The following SLC60A2 variants were observed in gnomAD, a reference collection of about 807,000 sequenced individuals.
The protein encoded by SLC60A2 is solute carrier family 60 member 2.
chr6:111,276,808 C>T, the SLC60A2 span, among the ~76,000 whole-genome samples: 1 of 152,194 alleles, frequency 6.6e-6, no homozygotes, highest in African/African-American at 2.4e-5. Flanking sequence ...AGTTCTGCCC[C>T]TCCTTGGGAC....
At chr6:111,260,606 C>T in the SLC60A2 span, among the ~76,000 whole-genome samples, 9,682 of 152,242 alleles carry the variant, frequency 0.064, 545 homozygotes, top group African/African-American at 0.15. Context: ...TTTTCGGAAA[C>T]CTCCTCCTTA....
the SLC60A2 span, chr6:111,259,723 G>A: frequency 6.3e-7 from 1 of 1,594,106 alleles, no homozygotes; most frequent in Non-Finnish European, 8.5e-7. Flanking sequence ...TCCTTCCTGG[G>A]GCTGGTGAGA....
the SLC60A2 span, chr6:111,278,022 A>G: frequency 6.6e-6 from 1 of 152,340 alleles, no homozygotes; most frequent in South Asian, 2.1e-4. Context: ...CCAGGAGCAG[A>G]GTATCCAGTT....
At chr6:111,276,122 GTC>G in the SLC60A2 span, among the ~76,000 whole-genome samples, 1 of 152,102 alleles carries the variant, frequency 6.6e-6, no homozygotes, top group African/African-American at 2.4e-5. Flanking sequence ...TCCTTTTTAA[GTC>G]TATGATACAC....
At chr6:111,262,827 A>AAGCG in the SLC60A2 span, among the ~76,000 whole-genome samples, 2 of 152,240 alleles carry the variant, frequency 1.3e-5, no homozygotes, top group Non-Finnish European at 2.9e-5. Flanking sequence ...TGAAGAGGGG[A>AAGCG]AGCGAGGTTG....
chr6:111,266,530 G>C, the SLC60A2 span: 1 of 1,614,172 alleles, frequency 6.2e-7, no homozygotes, highest in Non-Finnish European at 8.5e-7. Context: ...ATTTGTCTCT[G>C]GATAGCAACT....
chr6:111,263,086 A>G, the SLC60A2 span, among the ~76,000 whole-genome samples: 7 of 152,108 alleles, frequency 4.6e-5, no homozygotes, highest in South Asian at 1.5e-3. Flanking sequence ...CACAGGTGTG[A>G]GCCACCATGC....
the SLC60A2 span, chr6:111,278,683 T>C: frequency 1.0e-4 from 16 of 152,398 alleles, no homozygotes; most frequent in Admixed American, 1.0e-3. Context: ...CCTTCCGCCA[T>C]GATTGTGAAG....
the SLC60A2 span, among the ~76,000 whole-genome samples, chr6:111,261,153 C>T: frequency 3.9e-5 from 6 of 152,290 alleles, no homozygotes; most frequent in East Asian, 7.7e-4. Flanking sequence ...TTTAAGCAAC[C>T]TTTACTGACT....
chr6:111,266,632 T>A, the SLC60A2 span: 4 of 1,614,106 alleles, frequency 2.5e-6, no homozygotes, highest in African/African-American at 5.3e-5. Flanking sequence ...TCTGCAGCAT[T>A]TTTTGTAATT....
chr6:111,261,738 C>T, the SLC60A2 span, among the ~76,000 whole-genome samples: 10 of 152,206 alleles, frequency 6.6e-5, no homozygotes, highest in East Asian at 7.7e-4. Flanking sequence ...GGACTACAGG[C>T]GCCCACCACC....
the SLC60A2 span, among the ~76,000 whole-genome samples, chr6:111,260,590 A>G: frequency 3.3e-5 from 5 of 152,212 alleles, no homozygotes; most frequent in African/African-American, 1.2e-4. Flanking sequence ...TCGCCACTCA[A>G]TTCACTTTTC....
chr6:111,263,913 A>G, the SLC60A2 span: 284 of 1,608,226 alleles, frequency 1.8e-4, no homozygotes, highest in African/African-American at 6.5e-4. Context: ...CATGATGTCT[A>G]TCTTCGGTGT....
chr6:111,262,294 A>C, the SLC60A2 span: 30 of 1,613,970 alleles, frequency 1.9e-5, 2 homozygotes, highest in South Asian at 2.9e-4. Context: ...ACGTTTCAAG[A>C]TTTGGCAACA....
chr6:111,261,739 G>A, the SLC60A2 span, among the ~76,000 whole-genome samples: 4 of 151,988 alleles, frequency 2.6e-5, no homozygotes, highest in South Asian at 2.1e-4. Flanking sequence ...GACTACAGGC[G>A]CCCACCACCA....
chr6:111,270,002 GGCCT>G, the SLC60A2 span: 15 of 120,712 alleles, frequency 1.2e-4, no homozygotes, highest in African/African-American at 7.7e-4. Flanking sequence ...GTACTGAAGC[GGCCT>G]GTACAGGGCC....
At chr6:111,276,651 G>C in the SLC60A2 span, among the ~76,000 whole-genome samples, 2 of 152,170 alleles carry the variant, frequency 1.3e-5, no homozygotes, top group African/African-American at 4.8e-5. Context: ...GCAGTAGCAG[G>C]TACAGCTTTG....
chr6:111,262,419 CT>C, the SLC60A2 span: 1 of 1,611,238 alleles, frequency 6.2e-7, no homozygotes, highest in Non-Finnish European at 8.5e-7. Context: ...TTATTTTTTA[CT>C]TTTGGGTAAG....
the SLC60A2 span, among the ~76,000 whole-genome samples, chr6:111,272,353 GT>G: frequency 6.6e-6 from 1 of 152,122 alleles, no homozygotes; most frequent in African/African-American, 2.4e-5. Flanking sequence ...TCAAAGCAGG[GT>G]AATTAGGATA....
Sources: allele counts gnomAD v4.1 joint callset (sites outside exome capture counted in the v4.1 genomes callset), GRCh38; gene constraint gnomAD v4.1.1; transcripts MANE v1.5; gene names NCBI Gene and HGNC (gene_info 2026-07-23, HGNC 2026-07-21).